Variants in ABCA7 observed in about 807,000 individuals in gnomAD.
The protein encoded by ABCA7 is phospholipid-transporting ATPase ABCA7.
In ABCA7, 261 loss-of-function variants were observed where a neutral mutation model predicts 227.6. The observed-to-expected ratio is 1.15, with a 90% CI of 1.04 to 1.27. The LOEUF is 1.27. ABCA7 is among the 50% of genes most tolerant of loss of function. The probability of loss-of-function intolerance (pLI) is 0.00; values close to 1 mark genes in which losing one functional copy is unlikely to be tolerated. For missense variants in ABCA7, 3,331 were observed against 2,924.5 expected (o/e 1.14, Z -3.21); for synonymous variants, 1,488 against 1,279.7 (o/e 1.16, Z -3.47).
chr19:1,065,213 G>A lies in ABCA7; in HGVS notation c.6285+42G>A, dbSNP rs778057357. On this transcript the variant is annotated intron_variant, in intron 46 of 46. Coordinates refer to ENST00000263094, the MANE Select transcript of ABCA7 (RefSeq NM_019112.4). ...GGTCGGGCTGGGGGAGGCAGGCTGGGGGCCAGGCCCGTGGGCTGACCGTCC... is the reference window on the plus strand; with the variant it reads ...GGTCGGGCTGGGGGAGGCAGGCTGGAGGCCAGGCCCGTGGGCTGACCGTCC... 7 of 1,599,172 alleles carry A rather than the reference G, an allele frequency of 4.4e-6. 1 individual carries two copies. The highest frequency in any genetic ancestry group is 3.4e-5 in the Admixed American group (2 of 59,100).
chr19:1,055,530 T>G (rs1599682065), intron 30 of ABCA7, among the ~76,000 whole-genome samples, 179 bp downstream of exon 30: 1 of 123,898 alleles, frequency 8.1e-6, no homozygotes. Context: ...TGAGATGGAG[T>G]CTCCCTCTGT....
In ABCA7 at chr19:1,063,638, C is replaced by T. The variant is rs1391179156; in HGVS notation, c.5807C>T (p.Thr1936Met). The change falls in exon 43 of 47, where the codon ACG becomes ATG. Residue 1936 changes from threonine to methionine, a missense_variant. Thr to Met is a moderately conservative substitution (Grantham distance 81, BLOSUM62 -1). Coordinates refer to ENST00000263094, the MANE Select transcript of ABCA7 (RefSeq NM_019112.4). ...GGAGGGAACAAACGCAAGCTGGCGA[C>T]GGCCCTGGCGCTGGTTGGGGACCCA... ...YSGGNKRKLATALALVGDPAV... is the reference protein window; with the variant it reads ...YSGGNKRKLAMALALVGDPAV... 2 of 1,610,586 alleles carry T rather than the reference C, an allele frequency of 1.2e-6. No individual in the cohort carries two copies. Among genetic ancestry groups the T allele is most frequent in the Admixed American group, 3.3e-5 (2 of 59,870 alleles).
In ABCA7 at chr19:1,041,940, GC is replaced by G. The variant is rs777874744; in HGVS notation, c.273del (p.Arg93AlafsTer2). The G allele has an allele frequency of 2.5e-5, 40 of 1,590,604 alleles. No individual in the cohort carries two copies. The highest frequency in any genetic ancestry group is 3.4e-5 in the Non-Finnish European group (40 of 1,174,270). On this transcript the variant is annotated frameshift_variant, in exon 4 of 47. Coordinates refer to ENST00000263094, the MANE Select transcript of ABCA7 (RefSeq NM_019112.4). LOFTEE classifies it high-confidence loss of function. Reference protein sequence around the residue: ...CFPQLTPGEEPGRLSNFNDSL... With the variant: ...CFPQLTPGEEXGRLSNFNDSL... ...TTCCGCAGCTGACACCGGGCGAGGA[GC>G]CCGGGCGCCTGAGCAACTTCAACGA...
chr19:1,042,986 G>C (rs2040212536), intron 7 of ABCA7, 55 bp from the exon 8 acceptor site: 2 of 1,552,678 alleles, frequency 1.3e-6, no homozygotes, highest in South Asian at 2.4e-5. Flanking sequence ...GCCCTGCCCT[G>C]GTTAGGGCTT....
At chr19:1,051,367 C>A in intron 20 of ABCA7, 73 bp downstream of exon 20, 1 of 1,588,346 alleles carries the variant, frequency 6.3e-7, no homozygotes, top group African/African-American at 1.3e-5. Flanking sequence ...AGGGGGAAGC[C>A]GGGTACTGAG....
At chr19:1,041,067 T>G (rs1202383654) in intron 1 of ABCA7, 158 bp from the exon 2 acceptor site, 9 of 500,490 alleles carry the variant, frequency 1.8e-5, no homozygotes, top group Non-Finnish European at 2.9e-5. Context: ...TAGAGGATGA[T>G]CTTTAAGTCC....
intron 1 of ABCA7, among the ~76,000 whole-genome samples, chr19:1,040,650 G>A (rs1478707162): frequency 6.6e-6 from 1 of 152,086 alleles, no homozygotes; most frequent in African/African-American, 2.4e-5. Flanking sequence ...ATCAGGAATC[G>A]CTGACTCCAG....
In ABCA7 at chr19:1,056,495, G is replaced by A. The variant is rs1356562708; in HGVS notation, c.4582G>A (p.Ala1528Thr). 1.2e-6 allele frequency: 2 copies of A among 1,611,410 alleles called. No individual in the cohort carries two copies. Among genetic ancestry groups the A allele is most frequent in the Non-Finnish European group, 1.7e-6 (2 of 1,179,190 alleles). The change falls in exon 33 of 47, where the codon GCA becomes ACA. Residue 1528 changes from alanine (A) to threonine (T), a missense_variant. Ala to Thr is a moderately conservative substitution (Grantham distance 58, BLOSUM62 0). Transcript: ENST00000263094. This position sits in a 1 kb window ranked among gnomAD's most constrained non-coding sequence, Gnocchi z 4.3. The stretch of plus-strand genomic sequence containing the variant: ...CACCAAGGAGCAGCTGTCTGAGGGT[G>A]CACTGTGAGTCCCTCCACCCTGCAT... ...NLTKEQLSEG[A>T]LMASSVDVLV...
Position 1,044,576 on chromosome 19 carries a change from G to A in ABCA7, c.1048-1G>A. ...CTCTCACTTTCACCTGCGCCCCCCA[G>A]CGGCTCCTGCAGATGCAGGATGAAG... On this transcript the variant is annotated splice_acceptor_variant, in intron 10 of 46. Coordinates refer to ENST00000263094, the MANE Select transcript of ABCA7 (RefSeq NM_019112.4). LOFTEE classifies it high-confidence loss of function. The A allele has an allele frequency of 6.2e-7, 1 of 1,610,720 alleles. No homozygotes were observed. The highest frequency in any genetic ancestry group is 1.3e-5 in the African/African-American group (1 of 75,020).
chr19:1,045,921 C>T (rs1412383443), intron 12 of ABCA7, among the ~76,000 whole-genome samples: 1 of 152,138 alleles, frequency 6.6e-6, no homozygotes, highest in Admixed American at 6.5e-5. Flanking sequence ...GCAGGAGAAT[C>T]GCTTGAACCC....
rs371433266 is a variant in ABCA7, at chr19:1,053,370, G to C, written c.3262G>C (p.Gly1088Arg). Residue 1088 changes from glycine (G) to arginine (R), a missense_variant, in exon 24 of 47, where the codon GGG becomes CGG. Physicochemically the swap from Gly to Arg is moderately radical, Grantham distance 125 (BLOSUM62 -2). Coordinates refer to ENST00000263094, the MANE Select transcript of ABCA7 (RefSeq NM_019112.4). ...GGCCCTGGTACAGCACTGGGTGCCC[G>C]GGGCACGGCTGGTGGAGGAGCTGCC... is the stretch of plus-strand genomic sequence containing the variant. ...LLALVQHWVP[G>R]ARLVEELPHE... 1.2e-6 allele frequency: 2 copies of C among 1,609,300 alleles called. No homozygotes were observed. Among genetic ancestry groups the C allele is most frequent in the African/African-American group, 1.3e-5 (1 of 74,978 alleles).
intron 40 of ABCA7, chr19:1,059,361 T>G (rs561364279): frequency 6.6e-6 from 1 of 152,098 alleles, no homozygotes; most frequent in Non-Finnish European, 1.4e-5. Flanking sequence ...ACCTCCCGGG[T>G]TCATGCCATT....
At position 1,046,342 on chromosome 19, in the gene ABCA7, G is replaced by A. The variant is rs766013726; in HGVS notation, c.1558G>A (p.Gly520Ser). ...GCGTGCAGCCGTCCGCGTGCTCAGC[G>A]GCGCCAACCCCCGGGCCGGCCTCTA... is the stretch of plus-strand genomic sequence containing the variant. Reference protein sequence around the residue: ...VERAAVRVLSGANPRAGLYLQ... With the variant: ...VERAAVRVLSSANPRAGLYLQ... The change falls in exon 13 of 47, where the codon GGC (glycine) becomes AGC (serine). Residue 520 changes from glycine (G) to serine (S), a missense_variant. Transcript: ENST00000263094. 1.9e-6 allele frequency: 3 copies of A among 1,601,288 alleles called. No individual in the cohort carries two copies. Among genetic ancestry groups the A allele is most frequent in the Admixed American group, 1.7e-5 (1 of 59,560 alleles).
Position 1,053,817 on chromosome 19 carries a change from T to C in ABCA7, c.3453T>C (p.Ala1151=). 1 of 1,612,236 alleles carries C rather than the reference T, an allele frequency of 6.2e-7. No homozygotes were observed. Among genetic ancestry groups the C allele is most frequent in the East Asian group, 2.2e-5 (1 of 44,824 alleles). Residue 1151 remains alanine, a synonymous_variant, in exon 25 of 47, where the codon GCT becomes GCC. Coordinates refer to ENST00000263094, the MANE Select transcript of ABCA7 (RefSeq NM_019112.4). ...EIFLKVVEEC[A]ADTDMEDGSC... ...TCCTGAAGGTGGTGGAGGAGTGTGCTGCGGACACAGATATGGAGGGTGCGG... is the reference window on the plus strand; with the variant it reads ...TCCTGAAGGTGGTGGAGGAGTGTGCCGCGGACACAGATATGGAGGGTGCGG...
At chr19:1,057,160 G>C in intron 34 of ABCA7, 76 bp downstream of exon 34, 1 of 1,561,552 alleles carries the variant, frequency 6.4e-7, no homozygotes, top group Non-Finnish European at 8.7e-7. Context: ...GTAGGCAGGG[G>C]CTTGTCCAAG....
rs1219935062 is a variant in ABCA7 at position 1,041,373 on chromosome 19, G to A, written c.12G>A (p.Trp4Ter). ...TGCCCAGTCTCACCATGGCCTTCTG[G>A]ACACAGCTGATGCTGCTGCTCTGGA... The part of the protein sequence containing the change: MAF[W>*]TQLMLLLWKN... Residue 4 changes from tryptophan to a stop codon, truncating the protein, a stop_gained, in exon 2 of 47, where the codon TGG (tryptophan) becomes TGA (stop). Transcript: ENST00000263094. LOFTEE classifies it high-confidence loss of function. 1 of 1,613,862 alleles carries A rather than the reference G, an allele frequency of 6.2e-7. No homozygotes were observed. Among genetic ancestry groups the A allele is most frequent in the Non-Finnish European group, 8.5e-7 (1 of 1,180,022 alleles).
Position 1,064,971 on chromosome 19 carries a change from G to A in ABCA7, c.6085G>A (p.Ala2029Thr), listed in dbSNP as rs1464852029. 1.3e-6 allele frequency: 2 copies of A among 1,551,210 alleles called. No individual in the cohort carries two copies. The highest frequency in any genetic ancestry group is 2.4e-5 in the East Asian group (1 of 40,956). Reference sequence around the variant, plus strand: ...CACACTGACCCTGCGGGTGCCCGCCGCAAGGTCCCAGCCGGCAGCGGCCTT... The same window carrying A: ...CACACTGACCCTGCGGGTGCCCGCCACAAGGTCCCAGCCGGCAGCGGCCTT... ...GHTLTLRVPAARSQPAAAFVA... is the reference protein window; with the variant it reads ...GHTLTLRVPATRSQPAAAFVA... The change falls in exon 46 of 47, where the codon GCA becomes ACA. Residue 2029 changes from alanine to threonine, a missense_variant. Coordinates refer to ENST00000263094, the MANE Select transcript of ABCA7 (RefSeq NM_019112.4).
chr19:1,065,317 A>G lies in ABCA7; in HGVS notation c.6333A>G (p.Glu2111=). The change falls in exon 47 of 47, where the codon GAA becomes GAG. Residue 2111 remains glutamate (E), a synonymous_variant. Transcript: ENST00000263094. The part of the protein sequence containing the change: ...SKDQGKDEDT[E]EQKEAGVGVD... ...ACCAGGGGAAGGACGAGGACACCGA[A>G]GAGCAGAAGGAGGCAGGAGTGGGAG... The G allele has an allele frequency of 1.9e-6, 3 of 1,613,602 alleles. No homozygotes were observed. The highest frequency in any genetic ancestry group is 2.5e-6 in the Non-Finnish European group (3 of 1,179,986).
rs776465510 is a variant in ABCA7 at position 1,062,287 on chromosome 19, G to A, written c.5686G>A (p.Gly1896Ser). ...CCTGGAGCTGCTTGCGCGCCTGCGC[G>A]GTGTCCCGGAGGCCCAGGTTGCCCA... Reference protein sequence around the residue: ...EHLELLARLRGVPEAQVAQTA... With the variant: ...EHLELLARLRSVPEAQVAQTA... The change falls in exon 42 of 47, where the codon GGT (glycine) becomes AGT (serine). Residue 1896 changes from glycine to serine, a missense_variant. Physicochemically the swap from Gly to Ser is moderately conservative, Grantham distance 56. Transcript: ENST00000263094. 5.0e-6 allele frequency: 8 copies of A among 1,607,738 alleles called. No individual in the cohort carries two copies. In the Admixed American group the frequency reaches 1.0e-4, roughly 20 times the overall value.
Sources: gnomAD v4.1 joint callset for allele counts (sites outside exome capture counted in the v4.1 genomes callset) on GRCh38, gnomAD v4.1.1 for gene constraint, Gnocchi (gnomAD v3.1) non-coding constraint, MANE v1.5 for transcripts, NCBI Gene and HGNC (gene_info 2026-07-23, HGNC 2026-07-21) for gene names.